The following ANTXR2 variants were observed in gnomAD, a reference collection of about 807,000 sequenced individuals.
The protein encoded by ANTXR2 is ANTXR cell adhesion molecule 2.
In ANTXR2, 44 loss-of-function variants were observed where a neutral mutation model predicts 73.7. The observed-to-expected ratio is 0.60, with a 90% CI of 0.47 to 0.77. The LOEUF (loss-of-function observed/expected upper bound fraction) is 0.77, where lower values mean the gene tolerates loss of function less well. Among genes scored for constraint, ANTXR2 ranks in the 30% least tolerant of loss-of-function variants. The pLI is 0.00. For synonymous variants in ANTXR2, 217 were observed against 205.9 expected, an observed-to-expected ratio of 1.05 and a Z score of -0.46; for missense variants, 604 against 592.5, an observed-to-expected ratio of 1.02 and a Z score of -0.20.
At position 79,977,616 on chromosome 4, in the gene ANTXR2, C is replaced by T; in HGVS notation, c.1428+5G>A. On this transcript the variant is annotated splice_donor_5th_base_variant and intron_variant, in intron 16 of 16. Transcript: ENST00000403729. ...CTCTTTCTCAATACATTCCCATATA[C>T]AAACCTCATCTCCTTCCTGAGGTCG... The T allele has an allele frequency of 6.4e-7, 1 of 1,569,842 alleles. No individual in the cohort carries two copies. The highest frequency in any genetic ancestry group is 8.6e-7 in the Non-Finnish European group (1 of 1,156,378).
chr4:79,901,227 A>T lies in ANTXR2; in HGVS notation c.*6202T>A, dbSNP rs528464445. The T allele has an allele frequency of 1.6e-4, 25 of 152,302 alleles. No homozygotes were observed. Among genetic ancestry groups the T allele is most frequent in the Non-Finnish European group, 2.9e-4 (20 of 68,018 alleles). The allele number at this position is 152,302 out of a possible 1,614,324, so 9.4% of individuals were successfully genotyped here. A position where few individuals can be genotyped will look rare whatever the true frequency, so the allele number is the denominator to read the frequency against. ...ATTTCACATCAGAATTTCAACTAGT[A>T]AAAATTCTATTTACAGGTGTCATCT... On this transcript the variant is annotated 3_prime_UTR_variant, in exon 17 of 17. Coordinates refer to ENST00000403729, the MANE Select transcript of ANTXR2 (RefSeq NM_058172.6).
intron 12 of ANTXR2, among the ~76,000 whole-genome samples, chr4:79,986,869 C>T (rs981479434): frequency 3.9e-4 from 60 of 152,304 alleles, no homozygotes; most frequent in Middle Eastern, 3.4e-3. Context: ...TAGCATGAAG[C>T]TCAGGAGTGC....
intron 16 of ANTXR2, among the ~76,000 whole-genome samples, chr4:79,951,696 A>G (rs990215920): frequency 6.6e-5 from 10 of 152,134 alleles, no homozygotes; most frequent in African/African-American, 2.4e-4. Flanking sequence ...TAATTGAATC[A>G]CTGTCCCAGA....
At chr4:79,967,087 C>T (rs1244750020) in intron 16 of ANTXR2, among the ~76,000 whole-genome samples, 2 of 71,230 alleles carry the variant, frequency 2.8e-5, no homozygotes, top group African/African-American at 7.2e-5. Flanking sequence ...CGAAGCAGGG[C>T]GAGGAATTGC....
At chr4:79,999,885 T>C (rs1243110457) in intron 12 of ANTXR2, among the ~76,000 whole-genome samples, 1 of 151,880 alleles carries the variant, frequency 6.6e-6, no homozygotes, top group Non-Finnish European at 1.5e-5. Flanking sequence ...ATCATGTCAC[T>C]GCACTCCAGC....
chr4:79,954,998 G>A (rs1423354628), intron 16 of ANTXR2, among the ~76,000 whole-genome samples: 1 of 152,144 alleles, frequency 6.6e-6, no homozygotes, highest in Non-Finnish European at 1.5e-5. Context: ...TGTGTTTAAT[G>A]ACAAGAACAC....
At chr4:79,918,116 C>A (rs1011853157) in intron 16 of ANTXR2, among the ~76,000 whole-genome samples, 1 of 151,818 alleles carries the variant, frequency 6.6e-6, no homozygotes, top group Non-Finnish European at 1.5e-5. Context: ...ACGGACACAG[C>A]AGAAGAAACA....
chr4:79,964,178 A>C (rs1338491829), intron 16 of ANTXR2, among the ~76,000 whole-genome samples: 1 of 152,142 alleles, frequency 6.6e-6, no homozygotes, highest in African/African-American at 2.4e-5. Flanking sequence ...CTGCCTTCTG[A>C]AGGTTAACAT....
In ANTXR2 at chr4:79,985,785, G is replaced by GCCAAGAC. The variant is rs374170873; in HGVS notation, c.1042-929_1042-923dup. Among the ~76,000 whole-genome samples the GCCAAGAC allele has an allele frequency of 4.5e-3, 678 of 151,022 alleles. 10 individuals are homozygous for GCCAAGAC. Among genetic ancestry groups the GCCAAGAC allele is most frequent in the African/African-American group, 0.016 (643 of 41,180 alleles). ...CTGCTTGTAACAAATCAGCTTCTTAGCCAAGACCCCTTTCCTGTGATGCCT... is the reference window on the plus strand; with the variant it reads ...CTGCTTGTAACAAATCAGCTTCTTAGCCAAGACCCAAGACCCCTTTCCTGTGATGCCT... On this transcript the variant is annotated intron_variant, in intron 12 of 16. Coordinates refer to ENST00000403729, the MANE Select transcript of ANTXR2 (RefSeq NM_058172.6).
At chr4:80,036,966 A>T (rs147676984) in intron 7 of ANTXR2, among the ~76,000 whole-genome samples, 57 of 152,254 alleles carry the variant, frequency 3.7e-4, no homozygotes, top group African/African-American at 1.2e-3. Context: ...TTAAAAACAC[A>T]GACTCCATAC....
intron 16 of ANTXR2, among the ~76,000 whole-genome samples, chr4:79,956,060 G>A (rs984315474): frequency 3.9e-5 from 6 of 152,114 alleles, no homozygotes; most frequent in Admixed American, 6.6e-5. Context: ...TGCAGTATAC[G>A]AAGGGGTTGA....
chr4:79,955,652 T>C (rs146778178), intron 16 of ANTXR2, among the ~76,000 whole-genome samples: 7 of 152,212 alleles, frequency 4.6e-5, no homozygotes, highest in African/African-American at 1.7e-4. Flanking sequence ...ATTAGATTTT[T>C]TTAAAAAAAC....
rs753274593 is a variant in ANTXR2, at chr4:80,054,276, T to C, written c.632A>G (p.Asn211Ser). The C allele has an allele frequency of 6.3e-7, 1 of 1,594,664 alleles. No individual in the cohort carries two copies. The highest frequency in any genetic ancestry group is 1.1e-5 in the South Asian group (1 of 87,644). ...TGCCCCCAGAGAAATACTCACAGAA[T>C]TAATTATTCCTTTAAGAGCCTGAAA... is the stretch of plus-strand genomic sequence containing the variant. ...GGFQALKGII[N>S]SILAQSCTEI... is the part of the protein sequence containing the mutation. Residue 211 changes from asparagine (N) to serine (S), a missense_variant, in exon 7 of 17, where the codon AAT (asparagine) becomes AGT (serine). Asn to Ser is a conservative substitution (Grantham distance 46). Transcript: ENST00000403729.
chr4:79,963,524 T>C (rs989326316), intron 16 of ANTXR2, among the ~76,000 whole-genome samples: 1 of 152,190 alleles, frequency 6.6e-6, no homozygotes, highest in African/African-American at 2.4e-5. Flanking sequence ...AAAATATTTA[T>C]GTTGCTTATT....
chr4:79,989,204 A>T (rs1174003719), intron 12 of ANTXR2, among the ~76,000 whole-genome samples: 1 of 152,012 alleles, frequency 6.6e-6, no homozygotes, highest in African/African-American at 2.4e-5. Context: ...CAAAATCAAA[A>T]TTTGGTTCTT....
chr4:80,026,220 G>C lies in ANTXR2; in HGVS notation c.866+5403C>G, dbSNP rs555023209. On this transcript the variant is annotated intron_variant, in intron 10 of 16. Transcript: ENST00000403729. ...ATGGTTTCCCCCATCCTGTTCTCAT[G>C]ATGGTGAGTGAATCTCACGAGATCT... 9.9e-5 allele frequency among the ~76,000 whole-genome samples: 15 copies of C among 152,246 alleles called. No homozygotes were observed. The South Asian group carries it at 2.9e-3, about 29-fold the overall frequency.
At chr4:80,066,857 T>G (rs1734521034) in intron 3 of ANTXR2, among the ~76,000 whole-genome samples, 1 of 152,214 alleles carries the variant, frequency 6.6e-6, no homozygotes, top group African/African-American at 2.4e-5. Flanking sequence ...GCAGGTAGAT[T>G]TGGTCTAGTG....
chr4:79,987,222 A>G (rs1730210077), intron 12 of ANTXR2, among the ~76,000 whole-genome samples: 2 of 152,014 alleles, frequency 1.3e-5, no homozygotes, highest in African/African-American at 4.8e-5. Flanking sequence ...AACCCAATCC[A>G]AGGAAACTAA....
intron 3 of ANTXR2, among the ~76,000 whole-genome samples, chr4:80,063,707 T>C (rs1734371268): frequency 6.6e-6 from 1 of 152,160 alleles, no homozygotes; most frequent in Non-Finnish European, 1.5e-5. Context: ...TTAAACTTAG[T>C]ATATCTCTTA....
Sources: gnomAD v4.1 joint callset for allele counts (sites outside exome capture counted in the v4.1 genomes callset) on GRCh38, gnomAD v4.1.1 for gene constraint, MANE v1.5 for transcripts, NCBI Gene and HGNC (gene_info 2026-07-23, HGNC 2026-07-21) for gene names.